ICA1L: variants seen among roughly 807,000 people sequenced by gnomAD.
The protein encoded by ICA1L is islet cell autoantigen 1 like.
Under a neutral mutation model 61.3 loss-of-function variants are expected in ICA1L, and 50 were observed. The observed-to-expected ratio is 0.82, with a 90% CI of 0.65 to 1.03. ICA1L has a LOEUF of 1.03. Ranked by LOEUF, ICA1L falls within the 50% of genes least tolerant of loss-of-function variation. The pLI is 0.00. For missense variants in ICA1L, 508 were observed against 556.7 expected, an observed-to-expected ratio of 0.91 and a Z score of 0.88; for synonymous variants, 161 against 191.3, an observed-to-expected ratio of 0.84 and a Z score of 1.31.
At chr2:202,859,987 A>G (rs898717922) in intron 1 of ICA1L, among the ~76,000 whole-genome samples, 2 of 152,150 alleles carry the variant, frequency 1.3e-5, no homozygotes, top group African/African-American at 2.4e-5. Flanking sequence ...ATTCACATGC[A>G]TTAAGAACAT....
In ICA1L at chr2:202,779,450, G is replaced by T. The variant is rs1232165068; in HGVS notation, c.*83C>A. ...ACAAACACCGTGCTTTTGTGTGCGG[G>T]TTACAATCTAAATCCTTTCCACGAA... On this transcript the variant is annotated 3_prime_UTR_variant, in exon 13 of 13. Coordinates refer to ENST00000358299, the MANE Select transcript of ICA1L (RefSeq NM_001288622.3). 2.5e-6 allele frequency: 2 copies of T among 803,518 alleles called. No homozygotes were observed. Among genetic ancestry groups the T allele is most frequent in the Non-Finnish European group, 2.0e-6 (1 of 494,636 alleles). The allele number at this position is 803,518 out of a possible 1,614,324, so 49.8% of individuals were successfully genotyped here. A position where few individuals can be genotyped will look rare whatever the true frequency, so the allele number is the denominator to read the frequency against.
chr2:202,835,961 GCAAA>G (rs1170168495), intron 1 of ICA1L, among the ~76,000 whole-genome samples: 1 of 152,078 alleles, frequency 6.6e-6, no homozygotes, highest in Non-Finnish European at 1.5e-5. Context: ...CACATTGTCC[GCAAA>G]CAGACGATTT....
intron 7 of ICA1L, among the ~76,000 whole-genome samples, chr2:202,815,092 C>G (rs1290798353): frequency 1.3e-5 from 2 of 152,158 alleles, no homozygotes; most frequent in Admixed American, 6.5e-5. Context: ...TCACAATGCT[C>G]TAAATACAGC....
intron 1 of ICA1L, among the ~76,000 whole-genome samples, chr2:202,851,948 C>T (rs1322231125): frequency 6.6e-6 from 1 of 152,060 alleles, no homozygotes; most frequent in African/African-American, 2.4e-5. Flanking sequence ...TTCTCTCATT[C>T]TGTAGGTTGC....
chr2:202,837,290 T>C (rs1164581921), intron 1 of ICA1L, among the ~76,000 whole-genome samples: 1 of 152,008 alleles, frequency 6.6e-6, no homozygotes, highest in African/African-American at 2.4e-5. Flanking sequence ...TTGTTTTTTT[T>C]TGTTTTTGTT....
chr2:202,830,867 A>G (rs1268031295), intron 1 of ICA1L, among the ~76,000 whole-genome samples: 1 of 152,198 alleles, frequency 6.6e-6, no homozygotes, highest in African/African-American at 2.4e-5. Context: ...CAATTATATT[A>G]TTTAGTATGA....
intron 1 of ICA1L, among the ~76,000 whole-genome samples, chr2:202,857,358 A>G (rs1559150069): frequency 6.6e-6 from 1 of 152,314 alleles, no homozygotes; most frequent in South Asian, 2.1e-4. Context: ...CAAACCTGAC[A>G]AAAACAAGCA....
chr2:202,798,392 C>A (rs1692996358), intron 9 of ICA1L, among the ~76,000 whole-genome samples: 1 of 152,056 alleles, frequency 6.6e-6, no homozygotes, highest in Non-Finnish European at 1.5e-5. Flanking sequence ...GTGTGTGTCA[C>A]CATACCTGAA....
chr2:202,822,677 C>G (rs944385454), intron 3 of ICA1L, among the ~76,000 whole-genome samples: 3 of 152,120 alleles, frequency 2.0e-5, no homozygotes, highest in Non-Finnish European at 1.5e-5. Context: ...AAATGTCATG[C>G]CTAATTTCAT....
At chr2:202,835,432 TTGACCTCAAG>T (rs563080619) in intron 1 of ICA1L, among the ~76,000 whole-genome samples, 147 of 151,330 alleles carry the variant, frequency 9.7e-4, no homozygotes, top group African/African-American at 2.9e-3. Flanking sequence ...TCTCAAACTC[TTGACCTCAAG>T]TGATCCTCCC....
At chr2:202,831,996 C>T (rs1294736057) in intron 1 of ICA1L, among the ~76,000 whole-genome samples, 1 of 152,054 alleles carries the variant, frequency 6.6e-6, no homozygotes, top group Non-Finnish European at 1.5e-5. Flanking sequence ...CCTCCCAAGA[C>T]CTGTGCTAAT....
At chr2:202,831,984 G>T (rs1458007576) in intron 1 of ICA1L, among the ~76,000 whole-genome samples, 1 of 152,000 alleles carries the variant, frequency 6.6e-6, no homozygotes, top group African/African-American at 2.4e-5. Flanking sequence ...TGTGTATAAA[G>T]TCCTCCCAAG....
At chr2:202,818,650 C>A (rs555727849) in intron 5 of ICA1L, among the ~76,000 whole-genome samples, 1 of 151,884 alleles carries the variant, frequency 6.6e-6, no homozygotes, top group Non-Finnish European at 1.5e-5. Context: ...ATAAGTCTCA[C>A]GAGATCTGAT....
At chr2:202,794,212 G>C (rs1445745688) in intron 10 of ICA1L, among the ~76,000 whole-genome samples, 2 of 151,542 alleles carry the variant, frequency 1.3e-5, no homozygotes, top group African/African-American at 4.9e-5. Context: ...CAGGTGTGGT[G>C]GTATGCACCT....
chr2:202,849,535 T>A lies in ICA1L; in HGVS notation c.-7-20519A>T, dbSNP rs1270300094. On this transcript the variant is annotated intron_variant, in intron 1 of 12. Coordinates refer to ENST00000358299, the MANE Select transcript of ICA1L (RefSeq NM_001288622.3). The surrounding 1 kb of genome is among the most constrained non-coding windows in gnomAD (Gnocchi z 4.5). ...CCAGGCAGTTTAGACTGGGCAGAAC[T>A]CACCACAGTGCGGGAAAGTGGCTAT... Among the ~76,000 whole-genome samples, 1 of 152,164 alleles carries A rather than the reference T, an allele frequency of 6.6e-6. No individual in the cohort carries two copies. Among genetic ancestry groups the A allele is most frequent in the East Asian group, 1.9e-4 (1 of 5,188 alleles).
At chr2:202,797,150 G>GTGTGTA (rs1458814800) in intron 9 of ICA1L, among the ~76,000 whole-genome samples, 186 bp from the exon 10 acceptor site, 2 of 151,868 alleles carry the variant, frequency 1.3e-5, no homozygotes, top group Non-Finnish European at 2.9e-5. Flanking sequence ...GTGTGTGTGT[G>GTGTGTA]TGTGTGTGTG....
rs1270084888 is a variant in ICA1L, at chr2:202,809,041, C to CT, written c.910+2704dup. 4.6e-5 allele frequency among the ~76,000 whole-genome samples: 7 copies of CT among 152,166 alleles called. 1 individual carries two copies. The East Asian group carries it at 1.4e-3, about 30-fold the overall frequency. On this transcript the variant is annotated intron_variant, in intron 9 of 12. Transcript: ENST00000358299. ...GGAAAGCATGACCTCACCAAACAAA[C>CT]TAAATAGTGTACTAGTGACCAATCC...
intron 3 of ICA1L, among the ~76,000 whole-genome samples, chr2:202,822,932 G>A (rs1693737733): frequency 6.6e-6 from 1 of 152,182 alleles, no homozygotes; most frequent in Non-Finnish European, 1.5e-5. Flanking sequence ...GATGGGGTTT[G>A]GGGAGTCATG....
intron 1 of ICA1L, chr2:202,840,308 C>G (rs1210369854): frequency 2.2e-6 from 1 of 462,082 alleles, no homozygotes; most frequent in African/African-American, 2.0e-5. Flanking sequence ...GAGGGGCACA[C>G]TGGGAGGAGC....
Sources: allele counts gnomAD v4.1 joint callset (sites outside exome capture counted in the v4.1 genomes callset), GRCh38; gene constraint gnomAD v4.1.1; non-coding constraint Gnocchi (gnomAD v3.1); transcripts MANE v1.5; gene names NCBI Gene and HGNC (gene_info 2026-07-23, HGNC 2026-07-21).